Variants in LARGE1 observed in about 807,000 individuals in gnomAD.
LARGE1 encodes the protein xylosyl- and glucuronyltransferase LARGE1.
A neutral mutation model predicts 87.6 loss-of-function variants in LARGE1; 43 were observed. The observed-to-expected ratio is 0.49, with a 90% CI of 0.38 to 0.63. The LOEUF is 0.63. Ranked by LOEUF, LARGE1 falls within the 30% of genes least tolerant of loss-of-function variation. The probability of loss-of-function intolerance (pLI) is 0.00; values close to 1 mark genes in which losing one functional copy is unlikely to be tolerated. For missense variants in LARGE1, 802 were observed against 1,000.2 expected, an observed-to-expected ratio of 0.80 and a Z score of 2.67; for synonymous variants, 434 against 394.6, an observed-to-expected ratio of 1.10 and a Z score of -1.18.
intron 9 of LARGE1, among the ~76,000 whole-genome samples, chr22:33,360,594 T>C (rs1228988236): frequency 6.7e-6 from 1 of 149,138 alleles, no homozygotes; most frequent in Non-Finnish European, 1.5e-5. Context: ...TGCTAAACCA[T>C]TCATGAGAAA....
chr22:33,096,364 G>A, the LARGE1 span, among the ~76,000 whole-genome samples: 3 of 147,476 alleles, frequency 2.0e-5, no homozygotes, highest in Non-Finnish European at 3.0e-5. Flanking sequence ...GCAATGAGCC[G>A]AGGTCATTCC....
chr22:33,565,816 A>T (rs570139708), intron 5 of LARGE1, among the ~76,000 whole-genome samples: 27 of 152,364 alleles, frequency 1.8e-4, no homozygotes, highest in African/African-American at 6.5e-4. Flanking sequence ...GCAGGTGGGC[A>T]GAGTCATCAG....
intron 11 of LARGE1, among the ~76,000 whole-genome samples, chr22:33,234,421 C>A (rs975415247): frequency 6.6e-6 from 1 of 152,190 alleles, no homozygotes; most frequent in African/African-American, 2.4e-5. Context: ...ATGACTGCCC[C>A]ACATACCTAG....
intron 2 of LARGE1, among the ~76,000 whole-genome samples, chr22:33,684,181 T>TG (rs2081873370): frequency 6.6e-6 from 1 of 152,048 alleles, no homozygotes; most frequent in Non-Finnish European, 1.5e-5. Flanking sequence ...CCGGTGAATG[T>TG]GGAATGTGTT....
At chr22:33,421,058 G>A (rs1792155057) in intron 7 of LARGE1, among the ~76,000 whole-genome samples, 1 of 152,104 alleles carries the variant, frequency 6.6e-6, no homozygotes, top group South Asian at 2.1e-4. Context: ...GTGTGGTGAT[G>A]CATGCCTGTA....
intron 10 of LARGE1, among the ~76,000 whole-genome samples, chr22:33,330,622 C>T (rs1014352602): frequency 6.6e-6 from 1 of 152,194 alleles, no homozygotes. Context: ...GCTTACTGCA[C>T]TACATAAAGA....
At chr22:33,619,443 T>G (rs755086717) in intron 4 of LARGE1, among the ~76,000 whole-genome samples, 3 of 149,980 alleles carry the variant, frequency 2.0e-5, no homozygotes, top group Non-Finnish European at 4.4e-5. Context: ...TAATCCCAGA[T>G]AGTTGGGAGG....
chr22:33,256,561 T>C (rs1197621811), intron 11 of LARGE1, among the ~76,000 whole-genome samples: 1 of 152,190 alleles, frequency 6.6e-6, no homozygotes, highest in East Asian at 1.9e-4. Flanking sequence ...ATGTATAATA[T>C]TGCCATGACC....
At chr22:33,759,366 G>A (rs1460518146) in intron 2 of LARGE1, among the ~76,000 whole-genome samples, 1 of 152,086 alleles carries the variant, frequency 6.6e-6, no homozygotes. Flanking sequence ...CTATAGCATG[G>A]TATTACAGTT....
chr22:33,332,707 T>A (rs1225604764), intron 10 of LARGE1, among the ~76,000 whole-genome samples: 1 of 152,186 alleles, frequency 6.6e-6, no homozygotes, highest in African/African-American at 2.4e-5. Flanking sequence ...TGTCTGCAGA[T>A]AACACTTGAC....
chr22:33,079,470 G>T, the LARGE1 span, among the ~76,000 whole-genome samples: 1 of 151,888 alleles, frequency 6.6e-6, no homozygotes, highest in African/African-American at 2.4e-5. Context: ...CTCATGACCT[G>T]CCCGTCTTGG....
intron 11 of LARGE1, among the ~76,000 whole-genome samples, chr22:33,223,958 T>C (rs1366146072): frequency 1.3e-5 from 2 of 152,286 alleles, no homozygotes; most frequent in East Asian, 1.9e-4. Context: ...GCCACCTCTA[T>C]GCCCCCAGCT....
intron 5 of LARGE1, among the ~76,000 whole-genome samples, chr22:33,597,140 G>C (rs1236343036): frequency 2.0e-5 from 3 of 152,170 alleles, no homozygotes; most frequent in African/African-American, 7.2e-5. Flanking sequence ...CCATTGTTAA[G>C]TGTGGTCCCC....
Position 33,865,832 on chromosome 22 carries a change from C to CTTTTTTTTTTTTTTTTTT in LARGE1, c.-83+54145_-83+54162dup, listed in dbSNP as rs3072359. ...TAAGCATTCAATGTTAGCTGTTATT[C>CTTTTTTTTTTTTTTTTTT]TTTTTTTTTTTTTTTTTTTTTTTTT... On this transcript the variant is annotated intron_variant, in intron 1 of 14. Transcript: ENST00000397394. 2.1e-4 allele frequency among the ~76,000 whole-genome samples: 6 copies of CTTTTTTTTTTTTTTTTTT among 28,394 alleles called. 3 individuals are homozygous for CTTTTTTTTTTTTTTTTTT. The highest frequency in any genetic ancestry group is 6.4e-4 in the African/African-American group (6 of 9,350). 18.6% of individuals were successfully genotyped at this position (28,394 alleles called of 152,430 possible). A position where few individuals can be genotyped will look rare whatever the true frequency, so the allele number is the denominator to read the frequency against.
intron 10 of LARGE1, among the ~76,000 whole-genome samples, chr22:33,320,696 A>G (rs1226571447): frequency 6.6e-6 from 1 of 152,224 alleles, no homozygotes; most frequent in Admixed American, 6.5e-5. Flanking sequence ...ATATGCACAG[A>G]AGGTGATCAA....
chr22:33,712,745 T>A (rs2082774282), intron 2 of LARGE1, among the ~76,000 whole-genome samples: 1 of 151,380 alleles, frequency 6.6e-6, no homozygotes, highest in African/African-American at 2.4e-5. Flanking sequence ...CCTACTAGTC[T>A]CTAAAAAAGA....
intron 7 of LARGE1, among the ~76,000 whole-genome samples, chr22:33,431,585 G>A (rs1456755240): frequency 6.6e-6 from 1 of 152,112 alleles, no homozygotes; most frequent in Non-Finnish European, 1.5e-5. Flanking sequence ...TTGCCCACAC[G>A]CTTTAAAGGG....
downstream of LARGE1, among the ~76,000 whole-genome samples, chr22:33,267,609 T>A (rs547262365): frequency 5.0e-4 from 75 of 151,418 alleles, 1 homozygote; most frequent in South Asian, 9.2e-3. Flanking sequence ...CAGCCGATTG[T>A]GACCCAGTAC....
the LARGE1 span, among the ~76,000 whole-genome samples, chr22:33,069,813 A>G: frequency 7.8e-6 from 1 of 127,998 alleles, no homozygotes; most frequent in Middle Eastern, 4.1e-3. Context: ...CTGTTATTAC[A>G]TTCTTTTTTT....
Sources: gnomAD v4.1 joint callset for allele counts (sites outside exome capture counted in the v4.1 genomes callset) on GRCh38, gnomAD v4.1.1 for gene constraint, MANE v1.5 for transcripts, NCBI Gene and HGNC (gene_info 2026-07-23, HGNC 2026-07-21) for gene names.